The following CENPK variants were observed in gnomAD, a reference collection of about 807,000 sequenced individuals.
The protein encoded by CENPK is SoxLZ/Sox6-binding protein Solt.
In CENPK, 46 loss-of-function variants were observed where a neutral mutation model predicts 40.9. The observed-to-expected ratio is 1.13, with a 90% CI of 0.89 to 1.44. CENPK has a LOEUF of 1.44. CENPK is among the 40% of genes most tolerant of loss of function. The probability of loss-of-function intolerance (pLI) is 0.00; values close to 1 mark genes in which losing one functional copy is unlikely to be tolerated. For synonymous variants in CENPK, 107 were observed against 104.4 expected (o/e 1.02, Z -0.15); for missense variants, 288 against 303.5 (o/e 0.95, Z 0.38).
intron 6 of CENPK, among the ~76,000 whole-genome samples, chr5:65,538,768 A>T (rs1468723664): frequency 6.6e-6 from 1 of 152,198 alleles, no homozygotes; most frequent in African/African-American, 2.4e-5. Flanking sequence ...GGTATCCCTG[A>T]GTCAAGAGCC....
chr5:65,554,135 A>C (rs1750585367), intron 3 of CENPK, among the ~76,000 whole-genome samples: 1 of 150,714 alleles, frequency 6.6e-6, no homozygotes, highest in Admixed American at 6.6e-5. Context: ...AAATGAAACC[A>C]GTAATTATTT....
At chr5:65,560,287 A>G (rs917819288) in intron 2 of CENPK, among the ~76,000 whole-genome samples, 1 of 152,144 alleles carries the variant, frequency 6.6e-6, no homozygotes, top group South Asian at 2.1e-4. Flanking sequence ...CTACAAATTC[A>G]TAAGAAGAAA....
At chr5:65,551,133 C>A in intron 5 of CENPK, 2 of 388,516 alleles carry the variant, frequency 5.1e-6, no homozygotes, top group Non-Finnish European at 9.9e-6. Flanking sequence ...ACTTGTAGTC[C>A]TAGCTACTCA....
the CENPK span, among the ~76,000 whole-genome samples, chr5:65,504,266 G>A: frequency 6.6e-6 from 1 of 151,772 alleles, no homozygotes; most frequent in African/African-American, 2.4e-5. Context: ...AGACCAGCCT[G>A]GCTAACATGG....
intron 5 of CENPK, among the ~76,000 whole-genome samples, chr5:65,547,387 T>C (rs1342294011): frequency 1.7e-5 from 2 of 118,706 alleles, no homozygotes; most frequent in Admixed American, 9.1e-5. Flanking sequence ...AGTAAGACTG[T>C]CTCAAAAAAA....
chr5:65,519,668 A>T (rs1386710252), intron 10 of CENPK, among the ~76,000 whole-genome samples: 1 of 152,236 alleles, frequency 6.6e-6, no homozygotes, highest in Non-Finnish European at 1.5e-5. Context: ...AAATTAATCC[A>T]TCAAGCTCTA....
chr5:65,553,528 T>C (rs1434879244), intron 3 of CENPK, among the ~76,000 whole-genome samples: 1 of 152,226 alleles, frequency 6.6e-6, no homozygotes, highest in Non-Finnish European at 1.5e-5. Flanking sequence ...TTAGAAAAAG[T>C]ACATATATTT....
the CENPK span, among the ~76,000 whole-genome samples, chr5:65,508,142 C>T: frequency 6.6e-6 from 1 of 152,164 alleles, no homozygotes; most frequent in East Asian, 1.9e-4. Flanking sequence ...CTATATTTCC[C>T]TGTGTAAGTA....
intron 4 of CENPK, 48 bp downstream of exon 4, chr5:65,552,445 A>T: frequency 8.2e-7 from 1 of 1,218,646 alleles, no homozygotes; most frequent in East Asian, 2.6e-5. Context: ...TCCAAAATAC[A>T]ATTAATTCCA....
downstream of CENPK, among the ~76,000 whole-genome samples, chr5:65,514,266 T>TTTTTTTTTTTTA (rs1561603111): frequency 3.9e-5 from 3 of 77,148 alleles, 1 homozygote; most frequent in Non-Finnish European, 5.1e-5. Context: ...TTTTTTAGTT[T>TTTTTTTTTTTTA]TTTTTAGTTT....
Position 65,518,565 on chromosome 5 carries a change from TG to T in CENPK, c.719del (p.Pro240HisfsTer14), listed in dbSNP as rs749720138. 36 of 1,612,012 alleles carry T rather than the reference TG, an allele frequency of 2.2e-5. No homozygotes were observed. The highest frequency in any genetic ancestry group is 2.9e-5 in the Non-Finnish European group (34 of 1,178,696). On this transcript the variant is annotated frameshift_variant, in exon 11 of 11. Transcript: ENST00000396679. LOFTEE classifies it high-confidence loss of function. ...PYVKISDSFW[P>X]PYVELLLRNG... Reference sequence around the variant, plus strand: ...TACGCAGCAGCAGCTCAACATAAGGTGGCCAAAAGGAATCACTAATTTTGAC... The same window carrying T: ...TACGCAGCAGCAGCTCAACATAAGGTGCCAAAAGGAATCACTAATTTTGAC...
At chr5:65,496,941 C>T in the CENPK span, among the ~76,000 whole-genome samples, 24 of 151,654 alleles carry the variant, frequency 1.6e-4, no homozygotes, top group African/African-American at 5.6e-4. Context: ...CCTGTAATCC[C>T]AGGTACTCGG....
At chr5:65,535,489 A>AT (rs780418066) in intron 6 of CENPK, among the ~76,000 whole-genome samples, 4 of 152,128 alleles carry the variant, frequency 2.6e-5, no homozygotes, top group Non-Finnish European at 5.9e-5. Flanking sequence ...TGTTAAATGC[A>AT]TTTTTACTCT....
rs748490924 is a variant in CENPK, at chr5:65,529,160, T to A, written c.328A>T (p.Thr110Ser). Residue 110 changes from threonine to serine, a missense_variant, in exon 7 of 11, where the codon ACT becomes TCT. Thr to Ser is a moderately conservative substitution (Grantham distance 58, BLOSUM62 1). Coordinates refer to ENST00000396679, the MANE Select transcript of CENPK (RefSeq NM_022145.5). ...LRQDLEMVLS[T>S]KESKNEKLKE... ...AACTTTTCATTCTTTGACTCCTTAG[T>A]GGACAGTACCATTTCAAGATCTTGT... 1.9e-6 allele frequency: 3 copies of A among 1,611,078 alleles called. No homozygotes were observed. The highest frequency in any genetic ancestry group is 1.7e-5 in the Admixed American group (1 of 59,800).
At chr5:65,534,238 T>C (rs2150403813) in intron 6 of CENPK, among the ~76,000 whole-genome samples, 1 of 152,052 alleles carries the variant, frequency 6.6e-6, no homozygotes, top group Admixed American at 6.6e-5. Flanking sequence ...CCTAAATAAA[T>C]ACAAAGATGA....
the CENPK span, among the ~76,000 whole-genome samples, chr5:65,501,890 C>T: frequency 6.6e-6 from 1 of 152,166 alleles, no homozygotes; most frequent in African/African-American, 2.4e-5. Context: ...GCCTCCTTAC[C>T]TCTGGATGGT....
intron 2 of CENPK, among the ~76,000 whole-genome samples, chr5:65,556,819 A>AT (rs996935219): frequency 7.9e-5 from 12 of 151,826 alleles, no homozygotes; most frequent in African/African-American, 1.5e-4. Context: ...CTTTCATACC[A>AT]TTTTTTTTAC....
At chr5:65,561,204 C>A in intron 2 of CENPK, 3 of 236,526 alleles carry the variant, frequency 1.3e-5, no homozygotes, top group African/African-American at 2.2e-5. Flanking sequence ...CTGCTATACC[C>A]ATAAGATACA....
Position 65,529,115 on chromosome 5 carries a change from A to T in CENPK, c.371+2T>A. 6.3e-7 allele frequency: 1 copy of T among 1,597,318 alleles called. No individual in the cohort carries two copies. The highest frequency in any genetic ancestry group is 1.3e-5 in the African/African-American group (1 of 74,496). Reference sequence around the variant, plus strand: ...TTAATAGTAATTGTAACATAAACAAACCTTTCTAAGTCTTCCTTTAACTTT... The same window carrying T: ...TTAATAGTAATTGTAACATAAACAATCCTTTCTAAGTCTTCCTTTAACTTT... On this transcript the variant is annotated splice_donor_variant, in intron 7 of 10. Coordinates refer to ENST00000396679, the MANE Select transcript of CENPK (RefSeq NM_022145.5). LOFTEE classifies it high-confidence loss of function.
Sources: allele counts gnomAD v4.1 joint callset (sites outside exome capture counted in the v4.1 genomes callset), GRCh38; gene constraint gnomAD v4.1.1; transcripts MANE v1.5; gene names NCBI Gene and HGNC (gene_info 2026-07-23, HGNC 2026-07-21).